Variants in ARNT2 observed in about 807,000 individuals in gnomAD.
ARNT2 encodes ARNT protein 2.
A neutral mutation model predicts 91.7 loss-of-function variants in ARNT2; 36 were observed. That is an observed-to-expected ratio of 0.39 (90% CI 0.30 to 0.52). The LOEUF is 0.52. Ranked by LOEUF, ARNT2 falls within the 20% of genes least tolerant of loss-of-function variation. The probability of loss-of-function intolerance (pLI) is 0.72; values close to 1 mark genes in which losing one functional copy is unlikely to be tolerated. For missense variants in ARNT2, 775 were observed against 939.3 expected, an observed-to-expected ratio of 0.83 and a Z score of 2.29; for synonymous variants, 365 against 347.1, an observed-to-expected ratio of 1.05 and a Z score of -0.57.
chr15:80,485,479 T>G (rs1238513217), intron 5 of ARNT2, among the ~76,000 whole-genome samples: 2 of 152,060 alleles, frequency 1.3e-5, no homozygotes, highest in Non-Finnish European at 2.9e-5. Context: ...TACAGTTCAG[T>G]GGGGAAAAGA....
At chr15:80,536,742 G>A (rs560110831) in intron 8 of ARNT2, among the ~76,000 whole-genome samples, 2 of 152,320 alleles carry the variant, frequency 1.3e-5, no homozygotes, top group African/African-American at 2.4e-5. Context: ...CAGGCTGTGA[G>A]TCAGGAACCA....
chr15:80,435,899 T>A (rs1896078582), intron 1 of ARNT2, among the ~76,000 whole-genome samples: 1 of 151,906 alleles, frequency 6.6e-6, no homozygotes, highest in Admixed American at 6.6e-5. Context: ...AGGAAAAAAA[T>A]GTGTTGAATG....
intron 6 of ARNT2, among the ~76,000 whole-genome samples, chr15:80,509,653 A>G (rs1249678071): frequency 6.6e-6 from 1 of 152,150 alleles, no homozygotes; most frequent in Admixed American, 6.5e-5. Flanking sequence ...TTTCCATGTT[A>G]TATAGGGTGG....
chr15:80,500,773 C>A (rs1027752847), intron 5 of ARNT2, among the ~76,000 whole-genome samples: 4 of 152,174 alleles, frequency 2.6e-5, no homozygotes, highest in Admixed American at 2.6e-4. Context: ...GTGTTTGTTA[C>A]AACCACCCAG....
intron 2 of ARNT2, among the ~76,000 whole-genome samples, chr15:80,453,544 C>T (rs190495391): frequency 1.5e-4 from 23 of 152,310 alleles, no homozygotes; most frequent in Admixed American, 9.8e-4. Flanking sequence ...CTGAGGCCTC[C>T]GCTGTTCTAG....
chr15:80,451,895 T>C (rs1266930661), intron 2 of ARNT2, among the ~76,000 whole-genome samples: 1 of 152,262 alleles, frequency 6.6e-6, no homozygotes, highest in Non-Finnish European at 1.5e-5. Flanking sequence ...ACAAGGTTTC[T>C]CATGAAGTTG....
chr15:80,417,590 TTC>T (rs1166121046), intron 1 of ARNT2, among the ~76,000 whole-genome samples: 1 of 147,944 alleles, frequency 6.8e-6, no homozygotes, highest in Non-Finnish European at 1.5e-5. Context: ...TCCTCCCTCT[TTC>T]TCTCTCTCTC....
chr15:80,569,142 G>C (rs1898539542), intron 12 of ARNT2, among the ~76,000 whole-genome samples: 1 of 152,200 alleles, frequency 6.6e-6, no homozygotes, highest in Admixed American at 6.5e-5. Context: ...CATGATTCCA[G>C]CTACCTCAGA....
intron 2 of ARNT2, among the ~76,000 whole-genome samples, chr15:80,451,256 A>G (rs905844548): frequency 6.6e-6 from 1 of 152,242 alleles, no homozygotes; most frequent in Admixed American, 6.5e-5. Context: ...GGCTCAGGCC[A>G]TCTGAAGGGA....
intron 1 of ARNT2, among the ~76,000 whole-genome samples, chr15:80,438,471 A>T (rs1896128092): frequency 2.0e-5 from 3 of 152,214 alleles, no homozygotes; most frequent in Non-Finnish European, 2.9e-5. Flanking sequence ...TTCTTGAAAG[A>T]TGCATGGTCT....
chr15:80,554,301 C>A (rs528690872), intron 10 of ARNT2, among the ~76,000 whole-genome samples: 2 of 151,892 alleles, frequency 1.3e-5, no homozygotes, highest in African/African-American at 4.8e-5. Flanking sequence ...CCCAGCTACT[C>A]GGGAGGCTGA....
intron 11 of ARNT2, among the ~76,000 whole-genome samples, chr15:80,559,772 G>T (rs1438506190): frequency 6.6e-6 from 1 of 152,162 alleles, no homozygotes; most frequent in East Asian, 1.9e-4. Flanking sequence ...CTCCACTCAG[G>T]CACCTTCCAT....
At chr15:80,482,630 C>T (rs1026919345) in intron 5 of ARNT2, among the ~76,000 whole-genome samples, 3 of 152,196 alleles carry the variant, frequency 2.0e-5, no homozygotes, top group Non-Finnish European at 2.9e-5. Context: ...GGAGCCAGAA[C>T]AGCGTTTAGT....
In ARNT2 at chr15:80,404,524, C is replaced by T. The variant is rs1354283912; in HGVS notation, c.9C>T (p.Thr3=). 2 of 1,224,212 alleles carry T rather than the reference C, an allele frequency of 1.6e-6. No homozygotes were observed. Among genetic ancestry groups the T allele is most frequent in the Non-Finnish European group, 2.1e-6 (2 of 963,702 alleles). The allele number at this position is 1,224,212 out of a possible 1,614,324, so 75.8% of individuals were successfully genotyped here. A position where few individuals can be genotyped will look rare whatever the true frequency, so the allele number is the denominator to read the frequency against. The change falls in exon 1 of 19, where the codon ACC becomes ACT. Residue 3 remains threonine (T), a synonymous_variant. Coordinates refer to ENST00000303329, the MANE Select transcript of ARNT2 (RefSeq NM_014862.4). This position sits in a 1 kb window ranked among gnomAD's most constrained non-coding sequence, Gnocchi z 5.5. MA[T]PAAVNPPEMA... is the part of the protein sequence containing the mutation. ...TATCCTCTCCGAGCAAGATGGCAAC[C>T]CCGGCGGCGGTCAACCCTCCGGGTG...
intron 7 of ARNT2, 69 bp downstream of exon 7, chr15:80,514,045 A>G: frequency 6.9e-7 from 1 of 1,455,064 alleles, no homozygotes; most frequent in East Asian, 2.3e-5. Flanking sequence ...TAAGCTAAGC[A>G]GCCTAGATTA....
Position 80,589,986 on chromosome 15 carries a change from T to G in ARNT2, c.1919-1582T>G, listed in dbSNP as rs113206230. 2.0e-3 allele frequency among the ~76,000 whole-genome samples: 298 copies of G among 152,266 alleles called. 2 individuals carry two copies. The highest frequency in any genetic ancestry group is 6.8e-3 in the Middle Eastern group (2 of 294). On this transcript the variant is annotated intron_variant, in intron 17 of 18. Coordinates refer to ENST00000303329, the MANE Select transcript of ARNT2 (RefSeq NM_014862.4). ...TCATGTAGAGTTTGAAAAGCACCAA[T>G]GGTAAGGCATTAAAGGGACCTTATG... is the stretch of plus-strand genomic sequence containing the variant.
chr15:80,514,185 A>G (rs1595993165), intron 7 of ARNT2, 135 bp from the exon 8 acceptor site: 2 of 1,003,786 alleles, frequency 2.0e-6, no homozygotes, highest in Non-Finnish European at 3.1e-6. Flanking sequence ...GAAGGAACAC[A>G]GGATGGTGAG....
rs372401668 is a variant in ARNT2, at chr15:80,492,043, T to C, written c.623-16113T>C. ...TGCAGAGTGTCCTTCTTTCTTTCTT[T>C]CTTTCTTTTTTTTTCTAGACAGGGT... is the stretch of plus-strand genomic sequence containing the variant. On this transcript the variant is annotated intron_variant, in intron 5 of 18. Coordinates refer to ENST00000303329, the MANE Select transcript of ARNT2 (RefSeq NM_014862.4). Among the ~76,000 whole-genome samples the C allele has an allele frequency of 2.6e-4, 40 of 152,208 alleles. No individual in the cohort carries two copies. In the East Asian group the frequency reaches 7.1e-3, roughly 27 times the overall value.
chr15:80,416,084 A>G (rs1166564757), intron 1 of ARNT2, among the ~76,000 whole-genome samples: 8 of 152,204 alleles, frequency 5.3e-5, no homozygotes, highest in Non-Finnish European at 1.2e-4. Flanking sequence ...TGAATGAATG[A>G]CTGAATGAAT....
Sources: gnomAD v4.1 joint callset for allele counts (sites outside exome capture counted in the v4.1 genomes callset) on GRCh38, gnomAD v4.1.1 for gene constraint, Gnocchi (gnomAD v3.1) non-coding constraint, MANE v1.5 for transcripts, NCBI Gene and HGNC (gene_info 2026-07-23, HGNC 2026-07-21) for gene names.